DOCK8: variants seen among roughly 807,000 people sequenced by gnomAD.
The protein encoded by DOCK8 is dedicator of cytokinesis protein 8.
A neutral mutation model predicts 245.6 loss-of-function variants in DOCK8; 141 were observed. The ratio of observed to expected loss-of-function variants is 0.57; its 90% CI spans 0.50 to 0.66. DOCK8 has a LOEUF of 0.66. Ranked by LOEUF, DOCK8 falls within the 30% of genes least tolerant of loss-of-function variation. The pLI, the probability that DOCK8 is intolerant of heterozygous loss-of-function variation, is 0.00. For missense variants in DOCK8, 2,965 were observed against 2,603.4 expected (o/e 1.14, Z -3.02); for synonymous variants, 1,168 against 970.2 (o/e 1.20, Z -3.79).
intron 5 of DOCK8, among the ~76,000 whole-genome samples, chr9:308,174 CTG>C (rs545297020): frequency 6.0e-4 from 91 of 152,226 alleles, no homozygotes; most frequent in Middle Eastern, 3.4e-3. Context: ...ATAATTTATT[CTG>C]TGTTTCCAAA....
At chr9:256,789 A>G (rs1051134962) in intron 1 of DOCK8, among the ~76,000 whole-genome samples, 1 of 149,970 alleles carries the variant, frequency 6.7e-6, no homozygotes, top group African/African-American at 2.5e-5. Flanking sequence ...AGTGCACATC[A>G]GAATAGAAGC....
intron 10 of DOCK8, among the ~76,000 whole-genome samples, chr9:333,154 A>G (rs894234574): frequency 6.6e-6 from 1 of 152,208 alleles, no homozygotes. Context: ...CCTCAACAGC[A>G]TGGGCCGCTG....
intron 3 of DOCK8, among the ~76,000 whole-genome samples, chr9:288,433 G>A (rs1319436237): frequency 1.3e-5 from 2 of 152,168 alleles, no homozygotes; most frequent in East Asian, 1.9e-4. Context: ...TCATTTTTCT[G>A]CAAAGTGAGA....
At chr9:419,914 T>C (rs2056203808) in intron 30 of DOCK8, among the ~76,000 whole-genome samples, 1 of 152,244 alleles carries the variant, frequency 6.6e-6, no homozygotes, top group South Asian at 2.1e-4. Context: ...ATGTTATACT[T>C]TGCACTATGT....
intron 1 of DOCK8, among the ~76,000 whole-genome samples, chr9:219,795 G>C (rs922592050): frequency 2.0e-5 from 3 of 152,130 alleles, no homozygotes; most frequent in Non-Finnish European, 4.4e-5. Flanking sequence ...TACTTGGAAG[G>C]CTGAGATGGG....
At chr9:303,919 A>T (rs1586648550) in intron 4 of DOCK8, among the ~76,000 whole-genome samples, 1 of 152,338 alleles carries the variant, frequency 6.6e-6, no homozygotes, top group Middle Eastern at 3.4e-3. Flanking sequence ...AAAAATGGGA[A>T]ATACACATGT....
rs553742072 is a variant in DOCK8 at position 370,163 on chromosome 9, T to C, written c.1798-67T>C. On this transcript the variant is annotated intron_variant, in intron 15 of 47. Coordinates refer to ENST00000432829, the MANE Select transcript of DOCK8 (RefSeq NM_203447.4). Reference sequence around the variant, plus strand: ...ATGAGACCAGAACATCCTGTTGGCCTGATGATAGTCAATTTGATGTACCCA... The same window carrying C: ...ATGAGACCAGAACATCCTGTTGGCCCGATGATAGTCAATTTGATGTACCCA... The C allele has an allele frequency of 2.0e-4, 269 of 1,336,582 alleles. 3 individuals are homozygous for C. The Middle Eastern group carries it at 0.012, about 61-fold the overall frequency. 82.8% of individuals were successfully genotyped at this position (1,336,582 alleles called of 1,614,324 possible).
At chr9:371,286 C>A in intron 16 of DOCK8, 142 bp from the exon 17 acceptor site, 1 of 911,710 alleles carries the variant, frequency 1.1e-6, no homozygotes, top group Non-Finnish European at 1.7e-6. Context: ...TCAGGGACTT[C>A]CAGCTTCAGA....
intron 1 of DOCK8, among the ~76,000 whole-genome samples, chr9:268,746 G>T (rs1336254025): frequency 6.6e-6 from 1 of 152,180 alleles, no homozygotes; most frequent in Non-Finnish European, 1.5e-5. Context: ...AAAGGCTTTG[G>T]CTTGGTTGTG....
At chr9:370,394 T>C in intron 16 of DOCK8, 94 bp downstream of exon 16, 1 of 1,130,398 alleles carries the variant, frequency 8.8e-7, no homozygotes. Flanking sequence ...CTAACTATTT[T>C]TATAATTCAG....
At chr9:219,683 G>A (rs954448158) in intron 1 of DOCK8, among the ~76,000 whole-genome samples, 2 of 152,058 alleles carry the variant, frequency 1.3e-5, no homozygotes, top group Non-Finnish European at 2.9e-5. Context: ...GATGGCTCGA[G>A]CCCAGGAGTT....
intron 7 of DOCK8, among the ~76,000 whole-genome samples, chr9:319,454 C>G (rs996434796): frequency 6.6e-5 from 10 of 152,154 alleles, no homozygotes; most frequent in Admixed American, 2.6e-4. Flanking sequence ...TAACCTATAA[C>G]TGCAAGAGAA....
In DOCK8 at chr9:334,206, T is replaced by C. The variant is rs1226140571; in HGVS notation, c.1126-19T>C. On this transcript the variant is annotated intron_variant, in intron 10 of 47. Coordinates refer to ENST00000432829, the MANE Select transcript of DOCK8 (RefSeq NM_203447.4). The stretch of plus-strand genomic sequence containing the variant: ...GTGCTGATGCTTGTTTCAGCTTGTT[T>C]CTTTCCATTTTCCTCCAGAGTAAAG... 3.7e-6 allele frequency: 6 copies of C among 1,614,002 alleles called. No individual in the cohort carries two copies. The highest frequency in any genetic ancestry group is 4.2e-6 in the Non-Finnish European group (5 of 1,179,976).
rs968980734 is a variant in DOCK8, at chr9:331,909, T to C, written c.1045-489T>C. Among the ~76,000 whole-genome samples the C allele has an allele frequency of 5.9e-5, 9 of 152,230 alleles. No individual in the cohort carries two copies. The East Asian group carries it at 1.3e-3, about 23-fold the overall frequency. On this transcript the variant is annotated intron_variant, in intron 9 of 47. Transcript: ENST00000432829. The stretch of plus-strand genomic sequence containing the variant: ...AATTTATTCGGTTCAGTCATTCATT[T>C]TGTGGAAGGTTTTAGTCCCTAACCC...
At chr9:216,890 C>T (rs991499453) in intron 1 of DOCK8, among the ~76,000 whole-genome samples, 6 of 152,074 alleles carry the variant, frequency 3.9e-5, no homozygotes, top group South Asian at 2.1e-4. Flanking sequence ...AGAATAAAGG[C>T]CCTGGTTAGT....
In DOCK8 at chr9:332,494, T is replaced by G; in HGVS notation, c.1125+16T>G. ...TGGTGGAAAGGTATGGTAATTTGAG[T>G]GTTGTTAAATGGAGACATCTTAGAA... On this transcript the variant is annotated intron_variant, in intron 10 of 47. Transcript: ENST00000432829. 2 of 1,567,266 alleles carry G rather than the reference T, an allele frequency of 1.3e-6. No homozygotes were observed. Among genetic ancestry groups the G allele is most frequent in the Non-Finnish European group, 1.8e-6 (2 of 1,137,498 alleles).
In DOCK8 at chr9:370,013, G is replaced by A. The variant is rs563373185; in HGVS notation, c.1798-217G>A. On this transcript the variant is annotated intron_variant, in intron 15 of 47. Coordinates refer to ENST00000432829, the MANE Select transcript of DOCK8 (RefSeq NM_203447.4). ...AGATGAGGTTTCGCCATGTTGCCCA[G>A]GCTGGTCTCCAACTCCTGGGCTCAA... The A allele has an allele frequency of 5.0e-6, 3 of 594,564 alleles. No individual in the cohort carries two copies. The South Asian group carries it at 5.8e-5, about 11-fold the overall frequency. The allele number at this position is 594,564 out of a possible 1,614,324, so 36.8% of individuals were successfully genotyped here. A position where few individuals can be genotyped will look rare whatever the true frequency, so the allele number is the denominator to read the frequency against.
chr9:254,696 C>T (rs946442891), intron 1 of DOCK8, among the ~76,000 whole-genome samples: 2 of 152,156 alleles, frequency 1.3e-5, no homozygotes, highest in Non-Finnish European at 2.9e-5. Context: ...TCACATTCTC[C>T]TTCTACTTCC....
chr9:341,883 C>G (rs535052831), intron 14 of DOCK8, among the ~76,000 whole-genome samples: 13 of 152,292 alleles, frequency 8.5e-5, no homozygotes, highest in African/African-American at 3.1e-4. Flanking sequence ...ATTAGATTCT[C>G]ATGGGAGCAT....
Sources: gnomAD v4.1 joint callset for allele counts (sites outside exome capture counted in the v4.1 genomes callset) on GRCh38, gnomAD v4.1.1 for gene constraint, MANE v1.5 for transcripts, NCBI Gene and HGNC (gene_info 2026-07-23, HGNC 2026-07-21) for gene names.